The following TENM2 variants were observed in gnomAD, a reference collection of about 807,000 sequenced individuals.
TENM2 encodes teneurin-2.
A neutral mutation model predicts 245.2 loss-of-function variants in TENM2; 52 were observed. The observed-to-expected ratio is 0.21, with a 90% confidence interval of 0.17 to 0.27. The LOEUF is 0.27. Ranked by LOEUF, TENM2 falls within the 10% of genes least tolerant of loss-of-function variation. The pLI is 1.00. For missense variants in TENM2, 3,046 were observed against 3,666.8 expected, an observed-to-expected ratio of 0.83 and a Z score of 4.37; for synonymous variants, 1,363 against 1,438.9, an observed-to-expected ratio of 0.95 and a Z score of 1.19.
At chr5:167,550,454 G>A (rs1772852877) in intron 2 of TENM2, among the ~76,000 whole-genome samples, 1 of 152,116 alleles carries the variant, frequency 6.6e-6, no homozygotes, top group South Asian at 2.1e-4. Context: ...TTGGTTAAGT[G>A]GTGGGCGTTT....
intron 2 of TENM2, among the ~76,000 whole-genome samples, chr5:167,762,127 T>TTCTCTCTCCTCTCTC (rs2150714528): frequency 6.6e-6 from 1 of 152,162 alleles, no homozygotes; most frequent in East Asian, 1.9e-4. Context: ...TTTAGTCTCT[T>TTCTCTCTCCTCTCTC]TCTCTCTCCT....
intron 7 of TENM2, among the ~76,000 whole-genome samples, chr5:168,067,103 GA>G (rs1562116804): frequency 6.6e-6 from 1 of 152,158 alleles, no homozygotes; most frequent in Non-Finnish European, 1.5e-5. Flanking sequence ...GCCCTGCTGG[GA>G]CTTCACCTTC....
chr5:167,178,926 T>C, the TENM2 span, among the ~76,000 whole-genome samples: 1 of 152,210 alleles, frequency 6.6e-6, no homozygotes, highest in Non-Finnish European at 1.5e-5. Flanking sequence ...ATTGTTAGCA[T>C]ATATTTTTAG....
intron 2 of TENM2, among the ~76,000 whole-genome samples, chr5:167,813,814 A>G (rs1766826143): frequency 6.6e-6 from 1 of 152,132 alleles, no homozygotes; most frequent in African/African-American, 2.4e-5. Flanking sequence ...AAGGTGATGA[A>G]TTTTTAAATC....
intron 2 of TENM2, among the ~76,000 whole-genome samples, chr5:167,804,869 C>A (rs1003093478): frequency 2.0e-5 from 3 of 152,170 alleles, no homozygotes; most frequent in Admixed American, 2.0e-4. Flanking sequence ...TTAACAGCTA[C>A]CCCAAAATGG....
chr5:167,176,266 G>T, the TENM2 span, among the ~76,000 whole-genome samples: 4 of 152,184 alleles, frequency 2.6e-5, no homozygotes, highest in African/African-American at 9.6e-5. Context: ...GAAACTTTTT[G>T]TTGTTGTTGT....
At chr5:167,753,757 C>T (rs1261515623) in intron 2 of TENM2, among the ~76,000 whole-genome samples, 2 of 152,152 alleles carry the variant, frequency 1.3e-5, no homozygotes, top group Admixed American at 1.3e-4. Context: ...GTGGCCATCA[C>T]ATAGGTGGAT....
intron 2 of TENM2, among the ~76,000 whole-genome samples, chr5:167,542,598 GA>G (rs1425360026): frequency 6.6e-6 from 1 of 152,114 alleles, no homozygotes; most frequent in Admixed American, 6.6e-5. Flanking sequence ...TGCCAAATAT[GA>G]AAAACAGTCA....
chr5:167,385,204 A>C (rs1024401773), intron 2 of TENM2, among the ~76,000 whole-genome samples: 1 of 152,242 alleles, frequency 6.6e-6, no homozygotes, highest in South Asian at 2.1e-4. Context: ...GTTGATTAAT[A>C]GTTTCTTGAA....
intron 3 of TENM2, among the ~76,000 whole-genome samples, chr5:167,882,179 A>C (rs1235410202): frequency 6.6e-6 from 1 of 152,160 alleles, no homozygotes; most frequent in African/African-American, 2.4e-5. Context: ...ATGGGTTACA[A>C]TTTTTTAAAG....
intron 6 of TENM2, among the ~76,000 whole-genome samples, chr5:168,060,206 A>G (rs984736089): frequency 6.6e-6 from 1 of 151,714 alleles, no homozygotes; most frequent in Admixed American, 6.6e-5. Flanking sequence ...CCTGGGCAAC[A>G]TAGTGACACC....
the TENM2 span, among the ~76,000 whole-genome samples, chr5:167,045,938 A>G: frequency 6.6e-6 from 1 of 152,188 alleles, no homozygotes; most frequent in African/African-American, 2.4e-5. Flanking sequence ...GAAGCGTGGA[A>G]AGAGTAAAAC....
chr5:167,978,937 C>A (rs1016237434), intron 4 of TENM2, among the ~76,000 whole-genome samples: 5 of 152,138 alleles, frequency 3.3e-5, no homozygotes, highest in African/African-American at 1.2e-4. Flanking sequence ...TTGCTCCAGT[C>A]TTCTCCTAGA....
chr5:167,814,535 A>G (rs575462542), intron 2 of TENM2, among the ~76,000 whole-genome samples: 1 of 151,444 alleles, frequency 6.6e-6, no homozygotes, highest in African/African-American at 2.4e-5. Context: ...CTAGGACAGT[A>G]TTTCCAAATG....
intron 2 of TENM2, among the ~76,000 whole-genome samples, chr5:167,438,692 T>C (rs940583686): frequency 1.3e-5 from 2 of 151,472 alleles, no homozygotes; most frequent in East Asian, 2.0e-4. Flanking sequence ...CCACCGCATC[T>C]GGCCTGAACA....
At chr5:168,220,380 T>C (rs1763568322) in intron 23 of TENM2, among the ~76,000 whole-genome samples, 1 of 152,188 alleles carries the variant, frequency 6.6e-6, no homozygotes, top group African/African-American at 2.4e-5. Context: ...TGGGTTCAAG[T>C]GCATCCACAG....
intron 2 of TENM2, among the ~76,000 whole-genome samples, chr5:167,596,344 A>G (rs1330763304): frequency 6.6e-6 from 1 of 152,098 alleles, no homozygotes; most frequent in Non-Finnish European, 1.5e-5. Context: ...ACTCTGTCTA[A>G]CCCTGTTCTC....
chr5:167,035,700 C>A, the TENM2 span, among the ~76,000 whole-genome samples: 2 of 152,182 alleles, frequency 1.3e-5, no homozygotes, highest in African/African-American at 2.4e-5. Context: ...AAAGGGGAGA[C>A]AGAGATTATG....
chr5:168,184,976 T>A (rs1281931798), intron 13 of TENM2, among the ~76,000 whole-genome samples: 1 of 152,214 alleles, frequency 6.6e-6, no homozygotes, highest in Non-Finnish European at 1.5e-5. Flanking sequence ...AATAGTGTGG[T>A]CCTCTGCAGC....
Sources: allele counts gnomAD v4.1 joint callset (sites outside exome capture counted in the v4.1 genomes callset), GRCh38; gene constraint gnomAD v4.1.1; transcripts MANE v1.5; gene names NCBI Gene and HGNC (gene_info 2026-07-23, HGNC 2026-07-21).